Variants in ASH1L observed in about 807,000 individuals in gnomAD.
ASH1L encodes the protein ASH1 like histone lysine methyltransferase.
In ASH1L, 23 loss-of-function variants were observed where a neutral mutation model predicts 269.0. The observed-to-expected ratio is 0.09, with a 90% CI of 0.06 to 0.12. The LOEUF (loss-of-function observed/expected upper bound fraction) is 0.12. ASH1L is among the 10% of genes least tolerant of loss of function. The probability of loss-of-function intolerance (pLI) is 1.00; values close to 1 mark genes in which losing one functional copy is unlikely to be tolerated. For missense variants in ASH1L, 2,912 were observed against 3,567.8 expected, an observed-to-expected ratio of 0.82 and a Z score of 4.68; for synonymous variants, 1,187 against 1,253.5, an observed-to-expected ratio of 0.95 and a Z score of 1.12.
At position 155,357,229 on chromosome 1, in the gene ASH1L, C is replaced by G. The variant is rs191888247; in HGVS notation, c.7055+87G>C. ...TGGCTTAAGACAAAAGAAAGTGGAT[C>G]AACAATATAGAAGTTTCATAATTTT... On this transcript the variant is annotated intron_variant, in intron 15 of 27. Coordinates refer to ENST00000392403, the MANE Select transcript of ASH1L (RefSeq NM_018489.3). 5.1e-6 allele frequency: 5 copies of G among 987,330 alleles called. No individual in the cohort carries two copies. The East Asian group carries it at 1.2e-4, about 24-fold the overall frequency. The allele number at this position is 987,330 out of a possible 1,614,324, so 61.2% of individuals were successfully genotyped here.
intron 20 of ASH1L, 87 bp from the exon 21 acceptor site, chr1:155,346,556 G>A: frequency 1.8e-6 from 2 of 1,081,362 alleles, no homozygotes; most frequent in Non-Finnish European, 2.8e-6. Context: ...ATTAGCAATA[G>A]GTCAGGGTAA....
At chr1:155,423,307 A>G (rs566353473) in intron 5 of ASH1L, among the ~76,000 whole-genome samples, 3 of 148,976 alleles carry the variant, frequency 2.0e-5, no homozygotes, top group Non-Finnish European at 4.5e-5. Context: ...TCGGCCAGGC[A>G]TGGTGGCTCA....
chr1:155,376,623 G>A (rs1000286425), intron 10 of ASH1L, among the ~76,000 whole-genome samples: 3 of 152,010 alleles, frequency 2.0e-5, no homozygotes, highest in African/African-American at 7.2e-5. Flanking sequence ...AGGTTGCAGT[G>A]AGCTGAGATC....
At position 155,562,786 on chromosome 1, in the gene ASH1L, G is replaced by A. The variant is rs775661294; in HGVS notation, c.-733C>T. ...GCAGGCCCTCACGCGTACCTTCAACGGCGCAAGCCCAAGCCTCCTCCTCCT... is the reference window on the plus strand; with the variant it reads ...GCAGGCCCTCACGCGTACCTTCAACAGCGCAAGCCCAAGCCTCCTCCTCCT... On this transcript the variant is annotated 5_prime_UTR_variant, in exon 1 of 28. Coordinates refer to ENST00000392403, the MANE Select transcript of ASH1L (RefSeq NM_018489.3). 8.3e-6 allele frequency: 6 copies of A among 724,802 alleles called. No individual in the cohort carries two copies. Among genetic ancestry groups the A allele is most frequent in the South Asian group, 7.3e-5 (5 of 68,800 alleles). 44.9% of individuals were successfully genotyped at this position (724,802 alleles called of 1,614,324 possible). A position where few individuals can be genotyped will look rare whatever the true frequency, so the allele number is the denominator to read the frequency against.
chr1:155,415,067 T>C (rs931360826), intron 6 of ASH1L, among the ~76,000 whole-genome samples: 1 of 152,082 alleles, frequency 6.6e-6, no homozygotes, highest in Non-Finnish European at 1.5e-5. Context: ...CACAGAGCCA[T>C]TTATTGCTTA....
intron 1 of ASH1L, among the ~76,000 whole-genome samples, chr1:155,555,984 C>T (rs1452222107): frequency 6.6e-6 from 1 of 152,152 alleles, no homozygotes; most frequent in Non-Finnish European, 1.5e-5. Context: ...GATGTGGAAA[C>T]AGTGTGTTAA....
chr1:155,441,057 C>T (rs1253720119), intron 4 of ASH1L, among the ~76,000 whole-genome samples: 1 of 152,134 alleles, frequency 6.6e-6, no homozygotes, highest in East Asian at 1.9e-4. Flanking sequence ...GTCCACTTTC[C>T]TTTCTTCTAC....
intron 3 of ASH1L, among the ~76,000 whole-genome samples, chr1:155,462,904 T>A (rs1256609493): frequency 6.6e-6 from 1 of 152,158 alleles, no homozygotes; most frequent in African/African-American, 2.4e-5. Context: ...AAAGCAGTGC[T>A]CACAGAGGCA....
chr1:155,431,755 C>T (rs1050141826), intron 5 of ASH1L, among the ~76,000 whole-genome samples: 62 of 151,838 alleles, frequency 4.1e-4, no homozygotes, highest in Admixed American at 4.1e-3. Flanking sequence ...GCAGCAAGAC[C>T]CTGTCTAAAA....
In ASH1L at chr1:155,468,989, A is replaced by G. The variant is rs1664893704; in HGVS notation, c.4984+8897T>C. 2.0e-5 allele frequency among the ~76,000 whole-genome samples: 3 copies of G among 152,326 alleles called. No individual in the cohort carries two copies. The South Asian group carries it at 6.2e-4, about 32-fold the overall frequency. On this transcript the variant is annotated intron_variant, in intron 3 of 27. Coordinates refer to ENST00000392403, the MANE Select transcript of ASH1L (RefSeq NM_018489.3). ...CAAAAGAAAACACTGAGGAAAAAAT[A>G]GCAAAATGTAAAGGTGTAAGAATTT... is the stretch of plus-strand genomic sequence containing the variant.
chr1:155,431,759 T>C (rs1661626947), intron 5 of ASH1L, among the ~76,000 whole-genome samples: 1 of 151,986 alleles, frequency 6.6e-6, no homozygotes, highest in Non-Finnish European at 1.5e-5. Context: ...CAAGACCCTG[T>C]CTAAAATAAA....
intron 1 of ASH1L, among the ~76,000 whole-genome samples, chr1:155,544,732 ACAT>A (rs2148896194): frequency 6.6e-6 from 1 of 152,304 alleles, no homozygotes; most frequent in African/African-American, 2.4e-5. Flanking sequence ...GAAAATATAA[ACAT>A]GAAAAAGGAT....
chr1:155,557,582 G>C (rs906869433), intron 1 of ASH1L, among the ~76,000 whole-genome samples: 1 of 151,884 alleles, frequency 6.6e-6, no homozygotes, highest in South Asian at 2.1e-4. Context: ...GCCCGGCCTA[G>C]AAATCATTAT....
intron 2 of ASH1L, among the ~76,000 whole-genome samples, chr1:155,519,667 T>G (rs1006287980): frequency 6.6e-6 from 1 of 152,094 alleles, no homozygotes; most frequent in Non-Finnish European, 1.5e-5. Context: ...TTAGAATTTT[T>G]TGGGGGGTGA....
chr1:155,339,960 T>C (rs142292980), intron 25 of ASH1L, among the ~76,000 whole-genome samples: 56 of 152,272 alleles, frequency 3.7e-4, no homozygotes, highest in African/African-American at 1.3e-3. Context: ...GGATCACCGT[T>C]GTATATGCAG....
chr1:155,548,367 C>T (rs1670971624), intron 1 of ASH1L, among the ~76,000 whole-genome samples: 1 of 151,940 alleles, frequency 6.6e-6, no homozygotes, highest in South Asian at 2.1e-4. Flanking sequence ...ACTAAAAATA[C>T]AAAAATTAGC....
chr1:155,508,728 G>C (rs1259403018), intron 2 of ASH1L, among the ~76,000 whole-genome samples: 1 of 152,156 alleles, frequency 6.6e-6, no homozygotes, highest in Non-Finnish European at 1.5e-5. Flanking sequence ...TAAATACTGT[G>C]AAGAGTCTTC....
intron 20 of ASH1L, among the ~76,000 whole-genome samples, chr1:155,346,737 T>C (rs1653368876): frequency 6.6e-6 from 1 of 152,146 alleles, no homozygotes; most frequent in Non-Finnish European, 1.5e-5. Flanking sequence ...GGAAAACAAA[T>C]AGACTACTGA....
chr1:155,502,556 A>G (rs1259376377), intron 2 of ASH1L, among the ~76,000 whole-genome samples: 1 of 152,230 alleles, frequency 6.6e-6, no homozygotes, highest in African/African-American at 2.4e-5. Flanking sequence ...GCACAAACTT[A>G]AAAGATCACC....
Sources: gnomAD v4.1 joint callset for allele counts (sites outside exome capture counted in the v4.1 genomes callset) on GRCh38, gnomAD v4.1.1 for gene constraint, MANE v1.5 for transcripts, NCBI Gene and HGNC (gene_info 2026-07-23, HGNC 2026-07-21) for gene names.